The following SEM1 variants were observed in gnomAD, a reference collection of about 807,000 sequenced individuals.
SEM1 encodes the protein SEM1 26S proteasome subunit, also known as 26S proteasome complex subunit SEM1.
In SEM1, 3 loss-of-function variants were observed where a neutral mutation model predicts 12.7. The observed-to-expected ratio is 0.24, with a 90% CI of 0.11 to 0.61. The LOEUF (loss-of-function observed/expected upper bound fraction) is 0.61, where lower values mean the gene tolerates loss of function less well. Among genes scored for constraint, SEM1 ranks in the 20% least tolerant of loss-of-function variants. The pLI is 0.88. For synonymous variants in SEM1, 30 were observed against 27.8 expected, an observed-to-expected ratio of 1.08 and a Z score of -0.25; for missense variants, 59 against 81.3, an observed-to-expected ratio of 0.73 and a Z score of 1.06.
At chr7:96,648,982 G>T (rs1253954476) in intron 2 of SEM1, among the ~76,000 whole-genome samples, 1 of 152,164 alleles carries the variant, frequency 6.6e-6, no homozygotes, top group Non-Finnish European at 1.5e-5. Context: ...GAGGTGTGAC[G>T]TCCAATAAGG....
chr7:96,548,440 C>A (rs1471063672), intron 2 of SEM1, among the ~76,000 whole-genome samples: 1 of 152,078 alleles, frequency 6.6e-6, no homozygotes, highest in Non-Finnish European at 1.5e-5. Flanking sequence ...GAATCTATGG[C>A]CCCACCCCAG....
chr7:96,664,860 A>C (rs1789125750), intron 2 of SEM1, among the ~76,000 whole-genome samples: 1 of 152,198 alleles, frequency 6.6e-6, no homozygotes, highest in Non-Finnish European at 1.5e-5. Context: ...AAAACCATAC[A>C]ATAGTGAAAT....
chr7:96,676,083 C>G (rs1789443272), intron 2 of SEM1, among the ~76,000 whole-genome samples: 1 of 152,180 alleles, frequency 6.6e-6, no homozygotes, highest in Non-Finnish European at 1.5e-5. Context: ...TGAAATCTAG[C>G]CTGAGCTCCA....
At chr7:96,574,933 G>T (rs1806157767) in intron 2 of SEM1, among the ~76,000 whole-genome samples, 1 of 152,068 alleles carries the variant, frequency 6.6e-6, no homozygotes, top group South Asian at 2.1e-4. Context: ...GGAGGAGTTT[G>T]TTATTACGTA....
chr7:96,546,926 G>T (rs1033067452), intron 2 of SEM1, among the ~76,000 whole-genome samples: 3 of 152,084 alleles, frequency 2.0e-5, no homozygotes, highest in African/African-American at 4.8e-5. Context: ...TACCCATCAT[G>T]ATGGAAAAAG....
At chr7:96,590,702 C>T (rs57328504) in intron 2 of SEM1, among the ~76,000 whole-genome samples, 3,747 of 152,250 alleles carry the variant, frequency 0.025, 139 homozygotes, top group African/African-American at 0.085. Flanking sequence ...AGATCTAAGG[C>T]AATTACTTAA....
At position 96,527,435 on chromosome 7, in the gene SEM1, G is replaced by A. The variant is rs188452411; in HGVS notation, c.171-20737C>T. On this transcript the variant is annotated intron_variant and NMD_transcript_variant, in intron 2 of 3. Coordinates refer to the SEM1 transcript ENST00000466986. Reference sequence around the variant, plus strand: ...CAGCTTTTTGTGTACCAGGGTGCGGGTAGCGAGGGCCCAGGCTTGGGGAAC... The same window carrying A: ...CAGCTTTTTGTGTACCAGGGTGCGGATAGCGAGGGCCCAGGCTTGGGGAAC... Among the ~76,000 whole-genome samples, 334 of 152,252 alleles carry A rather than the reference G, an allele frequency of 2.2e-3. 1 individual carries two copies. Among genetic ancestry groups the A allele is most frequent in the Non-Finnish European group, 2.9e-3 (197 of 68,006 alleles).
At chr7:96,684,387 C>A (rs545568429), downstream of SEM1, among the ~76,000 whole-genome samples, 154 of 152,092 alleles carry the variant, frequency 1.0e-3, no homozygotes, top group African/African-American at 3.6e-3. Context: ...ACACACCCCA[C>A]CCTGAGCTGG....
chr7:96,648,831 C>G (rs1245870869), intron 2 of SEM1, among the ~76,000 whole-genome samples: 2 of 152,218 alleles, frequency 1.3e-5, no homozygotes. Context: ...GCAGCCCTGA[C>G]AAAGCCTCGG....
At chr7:96,504,007 A>G (rs6965122) in intron 3 of SEM1, among the ~76,000 whole-genome samples, 36,276 of 151,990 alleles carry the variant, frequency 0.24, 5,438 homozygotes, top group Non-Finnish European at 0.33. Context: ...TTCTGTTTTC[A>G]TTTCCCTGCT....
intron 2 of SEM1, among the ~76,000 whole-genome samples, chr7:96,631,257 C>T (rs1472929203): frequency 6.6e-6 from 1 of 152,132 alleles, no homozygotes; most frequent in East Asian, 1.9e-4. Flanking sequence ...GCCACTGTAG[C>T]CCATGGTGGC....
chr7:96,705,810 ACT>A (rs1189406720), intron 1 of SEM1, among the ~76,000 whole-genome samples: 2 of 150,078 alleles, frequency 1.3e-5, no homozygotes, highest in African/African-American at 2.5e-5. Context: ...ACAGAGCGAG[ACT>A]CTGTCTCAAA....
chr7:96,500,733 C>T (rs897268803), upstream of SEM1, among the ~76,000 whole-genome samples: 1 of 152,168 alleles, frequency 6.6e-6, no homozygotes, highest in Non-Finnish European at 1.5e-5. Flanking sequence ...TCAAAAAGCA[C>T]TTCATGATTA....
intron 2 of SEM1, among the ~76,000 whole-genome samples, chr7:96,520,026 C>T (rs921336776): frequency 6.6e-6 from 1 of 152,044 alleles, no homozygotes; most frequent in African/African-American, 2.4e-5. Flanking sequence ...CCAAGAAGAT[C>T]CTGCTGGGAA....
chr7:96,561,603 G>C (rs1584765064), intron 2 of SEM1, among the ~76,000 whole-genome samples: 1 of 152,156 alleles, frequency 6.6e-6, no homozygotes, highest in Non-Finnish European at 1.5e-5. Flanking sequence ...CTTTTCAGCT[G>C]ACCTAAATAA....
chr7:96,573,374 A>G (rs1173948131), intron 2 of SEM1, among the ~76,000 whole-genome samples: 1 of 151,316 alleles, frequency 6.6e-6, no homozygotes, highest in African/African-American at 2.4e-5. Context: ...CAGTTTCTTC[A>G]TAGTGGTGAT....
At chr7:96,641,598 T>C (rs1808611334) in intron 2 of SEM1, among the ~76,000 whole-genome samples, 2 of 152,044 alleles carry the variant, frequency 1.3e-5, no homozygotes, top group Admixed American at 1.3e-4. Flanking sequence ...TGTATAGTTT[T>C]CTTCTTGTCT....
At chr7:96,690,296 A>G (rs2115826201) in intron 2 of SEM1, among the ~76,000 whole-genome samples, 1 of 152,328 alleles carries the variant, frequency 6.6e-6, no homozygotes, top group African/African-American at 2.4e-5. Context: ...AATTTAAGTA[A>G]CAAGTATACC....
chr7:96,502,643 T>C (rs1803604751), intron 3 of SEM1, among the ~76,000 whole-genome samples: 1 of 152,200 alleles, frequency 6.6e-6, no homozygotes, highest in Non-Finnish European at 1.5e-5. Context: ...TTGGGTTATG[T>C]CAAAATAGCC....
Sources: allele counts gnomAD v4.1 joint callset (sites outside exome capture counted in the v4.1 genomes callset), GRCh38; gene constraint gnomAD v4.1.1; transcripts MANE v1.5; gene names NCBI Gene and HGNC (gene_info 2026-07-23, HGNC 2026-07-21).